The following NAV3 variants were observed in gnomAD, a reference collection of about 807,000 sequenced individuals.
NAV3 encodes the protein pore membrane and/or filament interacting like protein 1.
Under a neutral mutation model 244.7 loss-of-function variants are expected in NAV3, and 87 were observed. The observed-to-expected ratio is 0.36, with a 90% CI of 0.30 to 0.42. The LOEUF (loss-of-function observed/expected upper bound fraction) is 0.42. Ranked by LOEUF, NAV3 falls within the 20% of genes least tolerant of loss-of-function variation. The pLI is 1.00. For synonymous variants in NAV3, 1,126 were observed against 1,042.2 expected (o/e 1.08, Z -1.55); for missense variants, 2,663 against 2,893.3 (o/e 0.92, Z 1.83).
chr12:77,660,831 A>G (rs192982900), intron 2 of NAV3, among the ~76,000 whole-genome samples: 96 of 152,288 alleles, frequency 6.3e-4, no homozygotes, highest in Non-Finnish European at 6.3e-4. Context: ...ATATTGTAAA[A>G]TGAAATCATA....
rs148683408 is a variant in NAV3, at chr12:77,802,625, C to A, written c.73-137694C>A. Among the ~76,000 whole-genome samples the A allele has an allele frequency of 1.7e-3, 265 of 152,204 alleles. 2 individuals are homozygous for A. Among genetic ancestry groups the A allele is most frequent in the African/African-American group, 6.1e-3 (253 of 41,548 alleles). ...TTTCAGGTAAACTATATACACAAAG[C>A]CAAAAACAGCTTTAAAAACAACACT... On this transcript the variant is annotated intron_variant, in intron 2 of 8. Coordinates refer to the NAV3 transcript ENST00000550042.
intron 8 of NAV3, among the ~76,000 whole-genome samples, chr12:78,018,913 T>G (rs1013046722): frequency 6.6e-6 from 1 of 151,986 alleles, no homozygotes; most frequent in Non-Finnish European, 1.5e-5. Context: ...TGAAGCCAGG[T>G]GGAAGAACAG....
chr12:77,806,420 T>C (rs1871983793), intron 2 of NAV3, among the ~76,000 whole-genome samples: 1 of 152,210 alleles, frequency 6.6e-6, no homozygotes, highest in Admixed American at 6.5e-5. Context: ...CATTTTGTTA[T>C]TTACCCAGTA....
Position 78,081,830 on chromosome 12 carries a change from C to T in NAV3, c.2636+22715C>T, listed in dbSNP as rs371802834. Among the ~76,000 whole-genome samples the T allele has an allele frequency of 5.9e-5, 9 of 152,322 alleles. 1 individual carries two copies. Among genetic ancestry groups the T allele is most frequent in the East Asian group, 1.9e-4 (1 of 5,176 alleles). On this transcript the variant is annotated intron_variant, in intron 12 of 39. Coordinates refer to ENST00000397909, the MANE Select transcript of NAV3 (RefSeq NM_001024383.2). ...CTCACACTGTGTATTTCTGAATCTA[C>T]CCACACCACAAAGATAAACTTTCAA...
chr12:77,994,808 C>A lies in NAV3; in HGVS notation c.677C>A (p.Ala226Glu). Residue 226 changes from alanine (A) to glutamate (E), a missense_variant, in exon 6 of 40, where the codon GCA (alanine) becomes GAA (glutamate). Ala to Glu is a moderately radical substitution (Grantham distance 107). Coordinates refer to ENST00000397909, the MANE Select transcript of NAV3 (RefSeq NM_001024383.2). Reference protein sequence around the residue: ...KTQQDMQSSLAARYATQSNHS... With the variant: ...KTQQDMQSSLEARYATQSNHS... Reference sequence around the variant, plus strand: ...CTCTGTTTCTCCTCATACAGTCTGGCAGCCAGATATGCAACTCAGTCTAAT... The same window carrying A: ...CTCTGTTTCTCCTCATACAGTCTGGAAGCCAGATATGCAACTCAGTCTAAT... 6.2e-7 allele frequency: 1 copy of A among 1,610,166 alleles called. No homozygotes were observed. The highest frequency in any genetic ancestry group is 8.5e-7 in the Non-Finnish European group (1 of 1,177,980).
At chr12:77,802,731 C>T (rs1023827006) in intron 2 of NAV3, among the ~76,000 whole-genome samples, 2 of 151,972 alleles carry the variant, frequency 1.3e-5, no homozygotes, top group Admixed American at 6.6e-5. Flanking sequence ...GGCTTGATCT[C>T]GGCTCACTGC....
intron 1 of NAV3, among the ~76,000 whole-genome samples, chr12:77,846,400 T>G (rs1453399573): frequency 6.6e-6 from 1 of 152,214 alleles, no homozygotes; most frequent in African/African-American, 2.4e-5. Flanking sequence ...TCTTGAAGGA[T>G]AAATACGAAA....
intron 12 of NAV3, among the ~76,000 whole-genome samples, chr12:78,069,429 G>C (rs1952641062): frequency 6.6e-6 from 1 of 151,844 alleles, no homozygotes; most frequent in Admixed American, 6.6e-5. Context: ...ATTGCATTAA[G>C]ATATTTCCTT....
At chr12:77,764,454 A>G (rs796417992) in intron 2 of NAV3, among the ~76,000 whole-genome samples, 15 of 152,352 alleles carry the variant, frequency 9.8e-5, no homozygotes, top group African/African-American at 3.6e-4. Flanking sequence ...AAAATAAACT[A>G]GGTTTGAACA....
In NAV3 at chr12:77,665,554, G is replaced by A. The variant is rs139217817; in HGVS notation, c.72+93288G>A. Among the ~76,000 whole-genome samples the A allele has an allele frequency of 5.5e-4, 83 of 152,150 alleles. 1 individual carries two copies. Among genetic ancestry groups the A allele is most frequent in the African/African-American group, 1.9e-3 (81 of 41,540 alleles). ...TCTCTTTTATCAGTAAAAACTTCCCGTATCTTGGGAAGATAAGGACTGAGG... is the reference window on the plus strand; with the variant it reads ...TCTCTTTTATCAGTAAAAACTTCCCATATCTTGGGAAGATAAGGACTGAGG... On this transcript the variant is annotated intron_variant, in intron 2 of 8. Transcript: ENST00000550042.
At chr12:77,712,250 A>G (rs527654185) in intron 2 of NAV3, among the ~76,000 whole-genome samples, 1 of 152,334 alleles carries the variant, frequency 6.6e-6, no homozygotes, top group East Asian at 1.9e-4. Flanking sequence ...GACAGCAAAA[A>G]CAAAATCACT....
rs1417535258 is a variant in NAV3, at chr12:77,613,002, C to T, written c.72+40736C>T. On this transcript the variant is annotated intron_variant, in intron 2 of 8. Transcript: ENST00000550042. ...AGAAGGATGTATTTACTTCCCCTTC[C>T]GCCGTGATTGTAAGTTTCCTGAGCC... Among the ~76,000 whole-genome samples the T allele has an allele frequency of 4.6e-5, 7 of 152,138 alleles. No homozygotes were observed. In the East Asian group the frequency reaches 5.8e-4, roughly 13 times the overall value.
At chr12:78,029,794 A>G (rs1878674498) in intron 9 of NAV3, among the ~76,000 whole-genome samples, 1 of 152,174 alleles carries the variant, frequency 6.6e-6, no homozygotes, top group Non-Finnish European at 1.5e-5. Context: ...TTTTCACTGC[A>G]TTAATGCTAT....
chr12:78,130,655 T>C (rs300468), intron 18 of NAV3: 51,983 of 152,908 alleles, frequency 0.34, 9,159 homozygotes, highest in East Asian at 0.48. Context: ...AAAAACTTTA[T>C]GTCAGTCCTG....
chr12:78,146,408 G>T lies in NAV3; in HGVS notation c.4707+16G>T. 9.6e-7 allele frequency: 1 copy of T among 1,038,236 alleles called. No individual in the cohort carries two copies. Among genetic ancestry groups the T allele is most frequent in the Non-Finnish European group, 1.3e-6 (1 of 741,568 alleles). The allele number at this position is 1,038,236 out of a possible 1,614,324, so 64.3% of individuals were successfully genotyped here. ...TCATTCAGAGGTAAAAAAAAAATAT[G>T]CAATATTTTAATATTTTCTATTTTA... On this transcript the variant is annotated intron_variant, in intron 21 of 39. Transcript: ENST00000397909.
At chr12:77,910,076 TTAGA>T (rs1407709862) in intron 1 of NAV3, among the ~76,000 whole-genome samples, 1 of 152,156 alleles carries the variant, frequency 6.6e-6, no homozygotes, top group East Asian at 1.9e-4. Flanking sequence ...GGGAGTTTAA[TTAGA>T]TAGGAAATTT....
In NAV3 at chr12:77,859,155, T is replaced by A. The variant is rs116171081; in HGVS notation, c.243+27451T>A. Among the ~76,000 whole-genome samples, 1,375 of 152,176 alleles carry A rather than the reference T, an allele frequency of 9.0e-3. 17 individuals are homozygous for A. Among genetic ancestry groups the A allele is most frequent in the African/African-American group, 0.031 (1,301 of 41,548 alleles). ...AAGTCAGTTTCACAAGTAATTGAGATCTCTTTTCAGTCTTTTAGAGAGGGG... is the reference window on the plus strand; with the variant it reads ...AAGTCAGTTTCACAAGTAATTGAGAACTCTTTTCAGTCTTTTAGAGAGGGG... On this transcript the variant is annotated intron_variant, in intron 1 of 39. Transcript: ENST00000397909.
rs2140032291 is a variant in NAV3 at position 78,200,571 on chromosome 12, G to A, written c.6814G>A (p.Ala2272Thr). 1 of 1,569,210 alleles carries A rather than the reference G, an allele frequency of 6.4e-7. No individual in the cohort carries two copies. Among genetic ancestry groups the A allele is most frequent in the Non-Finnish European group, 8.7e-7 (1 of 1,154,774 alleles). The change falls in exon 38 of 40, where the codon GCA becomes ACA. Residue 2272 changes from alanine to threonine, a missense_variant. Physicochemically the swap from Ala to Thr is moderately conservative, Grantham distance 58 (BLOSUM62 0). This residue lies in a region of NAV3 where 543 missense variants were observed against 672.4 expected (regional missense o/e 0.81). Coordinates refer to ENST00000397909, the MANE Select transcript of NAV3 (RefSeq NM_001024383.2). ...TTCTTTAGTACCTTATATTCTGGAG[G>A]CAGTGAGAGAGGGTCTTCAGGTATA... ...NYSLVPYILE[A>T]VREGLQMYGK...
intron 23 of NAV3, 111 bp downstream of exon 23, chr12:78,159,397 C>A (rs1957432131): frequency 1.0e-6 from 1 of 975,744 alleles, no homozygotes. Flanking sequence ...AGTGCAGAGG[C>A]TCATGCCTGT....
Sources: gnomAD v4.1 joint callset for allele counts (sites outside exome capture counted in the v4.1 genomes callset) on GRCh38, gnomAD v4.1.1 for gene constraint, gnomAD v4.1.1 regional missense constraint, MANE v1.5 for transcripts, NCBI Gene and HGNC (gene_info 2026-07-23, HGNC 2026-07-21) for gene names.